The following DNAJC5 variants were observed in gnomAD, a reference collection of about 807,000 sequenced individuals.
The protein encoded by DNAJC5 is dnaJ homolog subfamily C member 5.
In DNAJC5, 1 loss-of-function variant was observed where a neutral mutation model predicts 23.2. The ratio of observed to expected loss-of-function variants is 0.04; its 90% CI spans 0.02 to 0.20. The LOEUF (loss-of-function observed/expected upper bound fraction) is 0.20. Among genes scored for constraint, DNAJC5 ranks in the 10% least tolerant of loss-of-function variants. DNAJC5 has a pLI of 1.00. For synonymous variants in DNAJC5, 136 were observed against 120.0 expected (o/e 1.13, Z -0.87); for missense variants, 180 against 267.0 (o/e 0.67, Z 2.27).
chr20:63,899,683 G>A (rs568018537), intron 1 of DNAJC5, among the ~76,000 whole-genome samples: 3 of 152,278 alleles, frequency 2.0e-5, no homozygotes, highest in African/African-American at 7.2e-5. Context: ...CTGGGTTCAA[G>A]TGATTCTTCT....
chr20:63,923,824 G>A (rs1007303478), intron 1 of DNAJC5, among the ~76,000 whole-genome samples: 2 of 152,140 alleles, frequency 1.3e-5, no homozygotes, highest in Non-Finnish European at 2.9e-5. Context: ...AAGTCCATCC[G>A]TTCCTACACT....
intron 1 of DNAJC5, among the ~76,000 whole-genome samples, chr20:63,896,337 T>G (rs916274030): frequency 6.6e-6 from 1 of 152,216 alleles, no homozygotes; most frequent in African/African-American, 2.4e-5. Context: ...TCTAAGGGCT[T>G]TGGGGAAGTT....
chr20:63,905,568 AT>A (rs543822378), intron 1 of DNAJC5, among the ~76,000 whole-genome samples: 9,757 of 130,016 alleles, frequency 0.075, 377 homozygotes, highest in Non-Finnish European at 0.087. Context: ...CACATGGCAG[AT>A]TTTTTTTTTT....
intron 1 of DNAJC5, among the ~76,000 whole-genome samples, chr20:63,902,824 C>T (rs1029475975): frequency 2.7e-5 from 4 of 150,780 alleles, no homozygotes; most frequent in African/African-American, 7.3e-5. Flanking sequence ...TACAGGCACC[C>T]GCCGCCACGC....
Position 63,930,940 on chromosome 20 carries a change from G to A in DNAJC5, c.411G>A (p.Lys137=). The A allele has an allele frequency of 6.2e-7, 1 of 1,614,170 alleles. No homozygotes were observed. Among genetic ancestry groups the A allele is most frequent in the Non-Finnish European group, 8.5e-7 (1 of 1,180,052 alleles). The change falls in exon 4 of 5, where the codon AAG becomes AAA. Residue 137 remains lysine (K), a synonymous_variant. Transcript: ENST00000360864. ...CCFNCCCGKC[K]PKAPEGEETE... is the part of the protein sequence containing the mutation. Reference sequence around the variant, plus strand: ...TCAACTGCTGCTGCGGGAAGTGTAAGCCCAAGGCGCCTGAAGGCGAGGAGA... The same window carrying A: ...TCAACTGCTGCTGCGGGAAGTGTAAACCCAAGGCGCCTGAAGGCGAGGAGA...
intron 1 of DNAJC5, among the ~76,000 whole-genome samples, chr20:63,907,407 A>G (rs534217263): frequency 6.6e-6 from 1 of 152,272 alleles, no homozygotes; most frequent in Non-Finnish European, 1.5e-5. Flanking sequence ...ATAGGGTCTG[A>G]CCGCTTTATT....
intron 1 of DNAJC5, among the ~76,000 whole-genome samples, chr20:63,927,252 C>T (rs906308265): frequency 6.6e-6 from 1 of 152,126 alleles, no homozygotes; most frequent in African/African-American, 2.4e-5. Context: ...CGCTGTGGCT[C>T]ACACCTATAA....
At chr20:63,902,388 G>C (rs542206224) in intron 1 of DNAJC5, among the ~76,000 whole-genome samples, 12 of 114,052 alleles carry the variant, frequency 1.1e-4, no homozygotes, top group African/African-American at 4.2e-4. Context: ...TTTTTGAGAC[G>C]GAGTTTCACT....
At chr20:63,916,770 C>G (rs1257544384) in intron 1 of DNAJC5, among the ~76,000 whole-genome samples, 1 of 152,134 alleles carries the variant, frequency 6.6e-6, no homozygotes, top group Non-Finnish European at 1.5e-5. Flanking sequence ...TGTAGACCTC[C>G]CCCCAGGAAT....
At chr20:63,916,088 CATGCCTGGCTAATT>C (rs1274571269) in intron 1 of DNAJC5, among the ~76,000 whole-genome samples, 3 of 152,146 alleles carry the variant, frequency 2.0e-5, no homozygotes. Flanking sequence ...CGTGCACCAC[CATGCCTGGCTAATT>C]ATGCCTGGCT....
Position 63,929,259 on chromosome 20 carries a change from G to C in DNAJC5, c.108-53G>C. ...GCGGGTGGGATGGACGCGGCGGCGG[G>C]TGCGGGTGGAACAAAGTCCAGGGTA... On this transcript the variant is annotated intron_variant, in intron 2 of 4. Coordinates refer to ENST00000360864, the MANE Select transcript of DNAJC5 (RefSeq NM_025219.3). This position sits in a 1 kb window ranked among gnomAD's most constrained non-coding sequence, Gnocchi z 8.6. 1.3e-6 allele frequency: 2 copies of C among 1,573,824 alleles called. No individual in the cohort carries two copies. Among genetic ancestry groups the C allele is most frequent in the South Asian group, 1.1e-5 (1 of 87,540 alleles).
At position 63,935,098 on chromosome 20, in the gene DNAJC5, T is replaced by C. The variant is rs2146314793; in HGVS notation, c.*3530T>C. 6.6e-6 allele frequency: 1 copy of C among 152,416 alleles called. No homozygotes were observed. The allele number at this position is 152,416 out of a possible 1,614,324, so 9.4% of individuals were successfully genotyped here. On this transcript the variant is annotated 3_prime_UTR_variant, in exon 5 of 5. Coordinates refer to ENST00000360864, the MANE Select transcript of DNAJC5 (RefSeq NM_025219.3). ...TTATTTTGGTTGTAAATCATTCTCCTGTGGAATTGGCAAAAGCTACATTTT... is the reference window on the plus strand; with the variant it reads ...TTATTTTGGTTGTAAATCATTCTCCCGTGGAATTGGCAAAAGCTACATTTT...
At chr20:63,921,882 C>T (rs1435560323) in intron 1 of DNAJC5, among the ~76,000 whole-genome samples, 1 of 151,902 alleles carries the variant, frequency 6.6e-6, no homozygotes, top group African/African-American at 2.4e-5. Context: ...GGGTTCAAGC[C>T]ATCCTCCTGC....
chr20:63,917,311 A>AG (rs11483489), intron 1 of DNAJC5, among the ~76,000 whole-genome samples: 152,246 of 152,246 alleles, frequency 1, 76,123 homozygotes, highest in Non-Finnish European at 1. Context: ...GCTGGAATAC[A>AG]TGGTGTGATC....
intron 1 of DNAJC5, among the ~76,000 whole-genome samples, chr20:63,915,077 A>G (rs2053507349): frequency 1.3e-5 from 2 of 151,968 alleles, no homozygotes; most frequent in Non-Finnish European, 2.9e-5. Context: ...CCAGGGAGAG[A>G]CGGGCTGCTC....
At chr20:63,912,866 C>A (rs1240666734) in intron 1 of DNAJC5, among the ~76,000 whole-genome samples, 1 of 152,156 alleles carries the variant, frequency 6.6e-6, no homozygotes. Flanking sequence ...CTTGGCCTCC[C>A]AAAGTGCTGG....
At chr20:63,899,384 A>G (rs557101812) in intron 1 of DNAJC5, among the ~76,000 whole-genome samples, 1 of 152,302 alleles carries the variant, frequency 6.6e-6, no homozygotes, top group South Asian at 2.1e-4. Flanking sequence ...CCTTGAGTGT[A>G]GATTTTGTCT....
At chr20:63,924,324 T>C (rs1600879779) in intron 1 of DNAJC5, among the ~76,000 whole-genome samples, 1 of 152,332 alleles carries the variant, frequency 6.6e-6, no homozygotes, top group East Asian at 1.9e-4. Context: ...GAGGAATCTT[T>C]TTCTTATCTT....
At chr20:63,899,742 A>C (rs978661796) in intron 1 of DNAJC5, among the ~76,000 whole-genome samples, 2 of 149,030 alleles carry the variant, frequency 1.3e-5, no homozygotes, top group South Asian at 2.1e-4. Context: ...CCACCACGCC[A>C]GGCTAATTTT....
Sources: allele counts gnomAD v4.1 joint callset (sites outside exome capture counted in the v4.1 genomes callset), GRCh38; gene constraint gnomAD v4.1.1; non-coding constraint Gnocchi (gnomAD v3.1); transcripts MANE v1.5; gene names NCBI Gene and HGNC (gene_info 2026-07-23, HGNC 2026-07-21).